The following MYH6 variants were observed in gnomAD, a reference collection of about 807,000 sequenced individuals.
MYH6 encodes the protein myosin heavy chain 6.
A neutral mutation model predicts 223.2 loss-of-function variants in MYH6; 126 were observed. The ratio of observed to expected loss-of-function variants is 0.56; its 90% CI spans 0.49 to 0.65. The LOEUF is 0.65. Ranked by LOEUF, MYH6 falls within the 30% of genes least tolerant of loss-of-function variation. MYH6 has a pLI of 0.00. For synonymous variants in MYH6, 978 were observed against 1,010.2 expected (o/e 0.97, Z 0.61); for missense variants, 2,040 against 2,536.4 (o/e 0.80, Z 4.20).
At position 23,407,822 on chromosome 14, in the gene MYH6, TG is replaced by T. The variant is rs1227673634; in HGVS notation, c.-46-215del. 6.6e-6 allele frequency among the ~76,000 whole-genome samples: 1 copy of T among 151,506 alleles called. No individual in the cohort carries two copies. Among genetic ancestry groups the T allele is most frequent in the Non-Finnish European group, 1.5e-5 (1 of 67,890 alleles). On this transcript the variant is annotated intron_variant, in intron 1 of 38. Coordinates refer to ENST00000405093, the MANE Select transcript of MYH6 (RefSeq NM_002471.4). The surrounding 1 kb of genome is among the most constrained non-coding windows in gnomAD (Gnocchi z 5.6). ...CAATATGAGTGCGAGGGACGGGGTG[TG>T]GAAACAGGGTTAGAAGCAGAGAGGC...
At position 23,405,855 on chromosome 14, in the gene MYH6, G is replaced by T; in HGVS notation, c.202-85C>A. On this transcript the variant is annotated intron_variant, in intron 3 of 38. Transcript: ENST00000405093. This position sits in a 1 kb window ranked among gnomAD's most constrained non-coding sequence, Gnocchi z 4.7. ...GCACTGCCCACTGACCTCCTCCCAG[G>T]ACACAGGGACTTGGCCTTGCTCCCC... 3 of 1,571,418 alleles carry T rather than the reference G, an allele frequency of 1.9e-6. No homozygotes were observed. The highest frequency in any genetic ancestry group is 2.2e-5 in the South Asian group (2 of 90,044).
chr14:23,400,169 C>T (rs751970989), intron 14 of MYH6, 87 bp downstream of exon 14: 1 of 1,600,136 alleles, frequency 6.2e-7, no homozygotes, highest in Non-Finnish European at 8.6e-7. Flanking sequence ...TCTTGGGACT[C>T]TAGTTTCTTG....
At chr14:23,389,244 A>G in intron 28 of MYH6, 149 bp downstream of exon 28, 1 of 1,158,292 alleles carries the variant, frequency 8.6e-7, no homozygotes, top group South Asian at 1.4e-5. Context: ...AAGAGGCATT[A>G]AATGACGCTT....
At chr14:23,398,009 C>A (rs1891479652) in intron 15 of MYH6, among the ~76,000 whole-genome samples, 2 of 126,692 alleles carry the variant, frequency 1.6e-5, no homozygotes, top group African/African-American at 3.4e-5. Flanking sequence ...TCTTCTTCTT[C>A]TTCTTCTTCT....
At chr14:23,387,113 T>A (rs542585136) in intron 32 of MYH6, among the ~76,000 whole-genome samples, 17 of 152,272 alleles carry the variant, frequency 1.1e-4, no homozygotes, top group African/African-American at 3.9e-4. Context: ...TAAAATCATA[T>A]GAGGTATGTA....
intron 15 of MYH6, among the ~76,000 whole-genome samples, chr14:23,398,024 C>CTTCTTCTTCTTCTT (rs1233804043): frequency 1.2e-4 from 12 of 99,776 alleles, no homozygotes; most frequent in South Asian, 3.6e-4. Context: ...TCTTCTTCTT[C>CTTCTTCTTCTTCTT]CTTCTATTTT....
At chr14:23,388,041 A>C (rs1891091463) in intron 30 of MYH6, 114 bp downstream of exon 30, 2 of 1,607,050 alleles carry the variant, frequency 1.2e-6, no homozygotes, top group Non-Finnish European at 1.7e-6. Context: ...CCTGGTCCCG[A>C]GCCTGGGCTT....
At chr14:23,397,114 T>C (rs779446874) in intron 17 of MYH6, 34 bp from the exon 18 acceptor site, 1 of 1,614,188 alleles carries the variant, frequency 6.2e-7, no homozygotes, top group Non-Finnish European at 8.5e-7. Context: ...GGGTCAGCCT[T>C]AGGGTAAAGT....
intron 12 of MYH6, among the ~76,000 whole-genome samples, chr14:23,401,236 A>C (rs190431546): frequency 7.9e-5 from 12 of 152,198 alleles, no homozygotes; most frequent in African/African-American, 2.9e-4. Context: ...CAAACTCCTT[A>C]CCTCAAGTGA....
chr14:23,391,000 TG>T lies in MYH6; in HGVS notation c.3343-555del, dbSNP rs1475589962. Among the ~76,000 whole-genome samples, 13 of 152,364 alleles carry T rather than the reference TG, an allele frequency of 8.5e-5. No homozygotes were observed. The South Asian group carries it at 2.7e-3, about 32-fold the overall frequency. The stretch of plus-strand genomic sequence containing the variant: ...GGCTTGCTGTGTTTATGCCCAGGGC[TG>T]GGTTTCAACATGATTGCTCCCTTCC... On this transcript the variant is annotated intron_variant, in intron 25 of 38. Coordinates refer to ENST00000405093, the MANE Select transcript of MYH6 (RefSeq NM_002471.4).
Position 23,384,597 on chromosome 14 carries a change from G to T in MYH6, c.5410C>A (p.Gln1804Lys), listed in dbSNP as rs144571463. ...DLQHRLDEAE[Q>K]IALKGGKKQL... ...TTCTTGCCTCCCTTGAGGGCGATCT[G>T]CTCGGCCTCGTCCAGCCGGTGCTGC... is the stretch of plus-strand genomic sequence containing the variant. Residue 1804 changes from glutamine (Q) to lysine (K), a missense_variant, in exon 36 of 39, where the codon CAG (glutamine) becomes AAG (lysine). Physicochemically the swap from Gln to Lys is moderately conservative, Grantham distance 53. Coordinates refer to ENST00000405093, the MANE Select transcript of MYH6 (RefSeq NM_002471.4). 265 of 1,613,812 alleles carry T rather than the reference G, an allele frequency of 1.6e-4. 3 individuals carry two copies. The highest frequency in any genetic ancestry group is 1.6e-3 in the East Asian group (70 of 44,888).
chr14:23,398,024 C>CTTCTT (rs1233804043), intron 15 of MYH6, among the ~76,000 whole-genome samples: 59 of 99,688 alleles, frequency 5.9e-4, no homozygotes, highest in South Asian at 1.4e-3. Context: ...TCTTCTTCTT[C>CTTCTT]CTTCTATTTT....
chr14:23,387,956 C>T (rs1302667513), intron 30 of MYH6, 33 bp from the exon 31 acceptor site: 25 of 1,611,518 alleles, frequency 1.6e-5, no homozygotes, highest in Non-Finnish European at 2.1e-5. Flanking sequence ...CTTCAGCCCC[C>T]CAGCCTTAGC....
rs397516779 is a variant in MYH6, at chr14:23,404,299, G to A, written c.732C>T (p.Arg244=). The change falls in exon 8 of 39, where the codon CGC becomes CGT. Residue 244 remains arginine (R), a synonymous_variant. Coordinates refer to ENST00000405093, the MANE Select transcript of MYH6 (RefSeq NM_002471.4). ...GGGAGTGGTCAAAGGCACTCACAAA[G>A]CGGGAGGAGTTGTCGTTCCGGACAG... The part of the protein sequence containing the change: ...AKTVRNDNSS[R]FGKFIRIHFG... The A allele has an allele frequency of 2.0e-5, 33 of 1,614,260 alleles. 1 individual carries two copies. Among genetic ancestry groups the A allele is most frequent in the Admixed American group, 3.3e-5 (2 of 60,034 alleles).
Position 23,386,555 on chromosome 14 carries a change from C to T in MYH6, c.4719G>A (p.Glu1573=). 6.2e-7 allele frequency: 1 copy of T among 1,614,008 alleles called. No individual in the cohort carries two copies. The highest frequency in any genetic ancestry group is 1.3e-5 in the African/African-American group (1 of 75,036). Residue 1573 remains glutamate, a synonymous_variant, in exon 33 of 39, where the codon GAG becomes GAA. Transcript: ENST00000405093. The stretch of plus-strand genomic sequence containing the variant: ...CCTTCTCTGCCAGCTTCCGCTCGAT[C>T]TCTGCCTTGATCTGGTTGAACTCTA... The part of the protein sequence containing the change: ...AQLEFNQIKA[E]IERKLAEKDE...
chr14:23,407,226 T>G lies in MYH6; in HGVS notation c.-3A>C. 1 of 1,614,232 alleles carries G rather than the reference T, an allele frequency of 6.2e-7. No homozygotes were observed. Among genetic ancestry groups the G allele is most frequent in the South Asian group, 1.1e-5 (1 of 91,080 alleles). ...TCAGCCATCTGGGCATCGGTCATCT[T>G]GGTGCTTCCCCTGGGTCAGAGACAG... On this transcript the variant is annotated 5_prime_UTR_variant, in exon 3 of 39. Coordinates refer to ENST00000405093, the MANE Select transcript of MYH6 (RefSeq NM_002471.4). This position sits in a 1 kb window ranked among gnomAD's most constrained non-coding sequence, Gnocchi z 5.6.
In MYH6 at chr14:23,389,422, G is replaced by T; in HGVS notation, c.3949C>A (p.Leu1317Ile). Residue 1317 changes from leucine (L) to isoleucine (I), a missense_variant, in exon 28 of 39, where the codon CTC (leucine) becomes ATC (isoleucine). By Grantham distance (5) the Leu-to-Ile change is conservative. Transcript: ENST00000405093. ...KLSYTQQMED[L>I]KRQLEEEGKA... ...CCCTCCTCCTCCAGCTGCCTTTTGAGGTCCTCCATTTGCTGGGTATAAGAG... is the reference window on the plus strand; with the variant it reads ...CCCTCCTCCTCCAGCTGCCTTTTGATGTCCTCCATTTGCTGGGTATAAGAG... 3 of 1,614,136 alleles carry T rather than the reference G, an allele frequency of 1.9e-6. No homozygotes were observed. The highest frequency in any genetic ancestry group is 2.5e-6 in the Non-Finnish European group (3 of 1,180,044).
At chr14:23,390,590 G>T in intron 25 of MYH6, 144 bp from the exon 26 acceptor site, 1 of 1,494,418 alleles carries the variant, frequency 6.7e-7, no homozygotes, top group Non-Finnish European at 9.0e-7. Flanking sequence ...GGGAACAGTT[G>T]GCAATGTCTG....
At chr14:23,397,342 C>A in intron 16 of MYH6, 85 bp from the exon 17 acceptor site, 3 of 1,395,564 alleles carry the variant, frequency 2.1e-6, no homozygotes, top group Admixed American at 3.4e-5. Context: ...CACTCTCCAC[C>A]AGAATCATCA....
Sources: gnomAD v4.1 joint callset for allele counts (sites outside exome capture counted in the v4.1 genomes callset) on GRCh38, gnomAD v4.1.1 for gene constraint, Gnocchi (gnomAD v3.1) non-coding constraint, MANE v1.5 for transcripts, NCBI Gene and HGNC (gene_info 2026-07-23, HGNC 2026-07-21) for gene names.